The following CAMTA1 variants were observed in gnomAD, a reference collection of about 807,000 sequenced individuals.
CAMTA1 encodes calmodulin binding transcription activator 1, also known as calmodulin-binding transcription activator 1.
A neutral mutation model predicts 170.9 loss-of-function variants in CAMTA1; 27 were observed. The ratio of observed to expected loss-of-function variants is 0.16; its 90% CI spans 0.12 to 0.22. The LOEUF (loss-of-function observed/expected upper bound fraction) is 0.22, where lower values mean the gene tolerates loss of function less well. Ranked by LOEUF, CAMTA1 falls within the 10% of genes least tolerant of loss-of-function variation. The pLI, the probability that CAMTA1 is intolerant of heterozygous loss-of-function variation, is 1.00. For missense variants in CAMTA1, 1,619 were observed against 2,217.2 expected (o/e 0.73, Z 5.42); for synonymous variants, 833 against 891.5 (o/e 0.93, Z 1.17).
At chr1:7,190,642 A>G (rs1251145685) in intron 4 of CAMTA1, among the ~76,000 whole-genome samples, 1 of 152,202 alleles carries the variant, frequency 6.6e-6, no homozygotes, top group Non-Finnish European at 1.5e-5. Flanking sequence ...AACAAGAAGT[A>G]TATTACTTTT....
intron 5 of CAMTA1, among the ~76,000 whole-genome samples, chr1:7,369,644 A>G (rs974216946): frequency 2.0e-5 from 3 of 151,766 alleles, no homozygotes; most frequent in African/African-American, 4.8e-5. Flanking sequence ...CGGTGTCGCC[A>G]ACCAGGAAGC....
At chr1:7,343,814 T>A (rs10864296) in intron 5 of CAMTA1, among the ~76,000 whole-genome samples, 29,797 of 152,242 alleles carry the variant, frequency 0.2, 3,452 homozygotes, top group Middle Eastern at 0.43. Context: ...CTTCTGGGGT[T>A]GGCTTTTGAA....
At chr1:7,347,447 C>T (rs933413526) in intron 5 of CAMTA1, among the ~76,000 whole-genome samples, 2 of 152,230 alleles carry the variant, frequency 1.3e-5, no homozygotes, top group African/African-American at 4.8e-5. Flanking sequence ...AAGATGTTCT[C>T]TTTCACACCA....
At chr1:6,835,292 C>T (rs1377750579) in intron 3 of CAMTA1, among the ~76,000 whole-genome samples, 3 of 152,202 alleles carry the variant, frequency 2.0e-5, no homozygotes, top group Admixed American at 6.5e-5. Context: ...TTTCTAGTTG[C>T]ACTCGAGACT....
At chr1:6,867,701 G>T (rs1337199144) in intron 3 of CAMTA1, among the ~76,000 whole-genome samples, 1 of 152,198 alleles carries the variant, frequency 6.6e-6, no homozygotes, top group African/African-American at 2.4e-5. Context: ...CATAGCTCAA[G>T]TGCATTTTTT....
chr1:7,298,324 C>G (rs1339975205), intron 5 of CAMTA1, among the ~76,000 whole-genome samples: 1 of 8,288 alleles, frequency 1.2e-4, no homozygotes, highest in Non-Finnish European at 2.1e-4. Context: ...CATGATCCAC[C>G]CCCCACCCCG....
At chr1:7,200,501 G>A (rs938509388) in intron 4 of CAMTA1, among the ~76,000 whole-genome samples, 1 of 152,154 alleles carries the variant, frequency 6.6e-6, no homozygotes, top group South Asian at 2.1e-4. Flanking sequence ...ATCATGGGGC[G>A]CATTTAGTTC....
In CAMTA1 at chr1:6,907,117, G is replaced by C. The variant is rs137861264; in HGVS notation, c.234+81907G>C. ...TATATGTGATTTGTCTGTTCTAATT[G>C]CTTTTCAGTTTTGTTTGCTTTCTAA... is the stretch of plus-strand genomic sequence containing the variant. On this transcript the variant is annotated intron_variant, in intron 3 of 22. Coordinates refer to ENST00000303635, the MANE Select transcript of CAMTA1 (RefSeq NM_015215.4). Among the ~76,000 whole-genome samples the C allele has an allele frequency of 5.6e-4, 86 of 152,278 alleles. 1 individual carries two copies. The East Asian group carries it at 0.014, about 25-fold the overall frequency.
At chr1:7,023,589 G>A (rs1701651219) in intron 3 of CAMTA1, among the ~76,000 whole-genome samples, 1 of 151,906 alleles carries the variant, frequency 6.6e-6, no homozygotes. Flanking sequence ...GGAGATAATG[G>A]GATGAAACAA....
Position 7,626,548 on chromosome 1 carries a change from TGTG to T in CAMTA1, c.511-13848_511-13846del, listed in dbSNP as rs2095634881. Among the ~76,000 whole-genome samples, 6 of 152,308 alleles carry T rather than the reference TGTG, an allele frequency of 3.9e-5. 1 individual carries two copies. In the South Asian group the frequency reaches 1.2e-3, roughly 32 times the overall value. Reference sequence around the variant, plus strand: ...AAGCAGCCTTGTTCTGAATGCCACTTGTGGTGAACAGCAACCAGCTCTGCTTTT... The same window carrying T: ...AAGCAGCCTTGTTCTGAATGCCACTTGTGAACAGCAACCAGCTCTGCTTTT... On this transcript the variant is annotated intron_variant, in intron 6 of 22. Transcript: ENST00000303635.
At position 7,045,300 on chromosome 1, in the gene CAMTA1, A is replaced by G. The variant is rs562389684; in HGVS notation, c.235-46004A>G. On this transcript the variant is annotated intron_variant, in intron 3 of 22. Coordinates refer to ENST00000303635, the MANE Select transcript of CAMTA1 (RefSeq NM_015215.4). ...GACTTGGCCTCCAGGGATGAGACCA[A>G]CCTCTCCTGGAAGGGCATTGCTGTT... 3.9e-5 allele frequency among the ~76,000 whole-genome samples: 6 copies of G among 151,976 alleles called. No individual in the cohort carries two copies. The South Asian group carries it at 1.0e-3, about 26-fold the overall frequency.
chr1:7,647,644 C>T (rs1392603773), intron 7 of CAMTA1, among the ~76,000 whole-genome samples: 2 of 152,210 alleles, frequency 1.3e-5, no homozygotes, highest in African/African-American at 2.4e-5. Flanking sequence ...GGAGAGGTGC[C>T]TGTGCCCACC....
chr1:7,290,648 A>C (rs966280732), intron 5 of CAMTA1, among the ~76,000 whole-genome samples: 4 of 152,168 alleles, frequency 2.6e-5, no homozygotes, highest in African/African-American at 9.7e-5. Context: ...TCCGCATATA[A>C]ACTGACTGCT....
At chr1:7,354,453 A>G (rs1020504570) in intron 5 of CAMTA1, among the ~76,000 whole-genome samples, 4 of 152,168 alleles carry the variant, frequency 2.6e-5, no homozygotes, top group Admixed American at 2.6e-4. Context: ...CCGACCTACC[A>G]CATTTTCTTT....
chr1:7,291,888 G>T (rs757655321), intron 5 of CAMTA1, among the ~76,000 whole-genome samples: 2 of 152,228 alleles, frequency 1.3e-5, no homozygotes, highest in African/African-American at 2.4e-5. Context: ...AAAACCAGAT[G>T]CCAGCTTCCC....
chr1:7,436,081 G>A (rs1035285848), intron 5 of CAMTA1, among the ~76,000 whole-genome samples: 1 of 152,218 alleles, frequency 6.6e-6, no homozygotes, highest in Non-Finnish European at 1.5e-5. Context: ...TCAGCCTCAT[G>A]GCAGCTCGAG....
chr1:7,649,175 G>A (rs1463226150), intron 7 of CAMTA1, among the ~76,000 whole-genome samples: 8 of 152,232 alleles, frequency 5.3e-5, no homozygotes, highest in Non-Finnish European at 8.8e-5. Flanking sequence ...TGTTGGTGCC[G>A]GCACATGGTG....
intron 6 of CAMTA1, among the ~76,000 whole-genome samples, chr1:7,554,199 C>A (rs2094846163): frequency 6.6e-6 from 1 of 152,170 alleles, no homozygotes; most frequent in Non-Finnish European, 1.5e-5. Flanking sequence ...TGTTTTCCTG[C>A]CAGGTACCTC....
chr1:6,942,837 C>T (rs546118337), intron 3 of CAMTA1, among the ~76,000 whole-genome samples: 11 of 152,270 alleles, frequency 7.2e-5, no homozygotes, highest in African/African-American at 2.2e-4. Flanking sequence ...ATGGGCAGCA[C>T]GGCCAGACAC....
Sources: allele counts gnomAD v4.1 joint callset (sites outside exome capture counted in the v4.1 genomes callset), GRCh38; gene constraint gnomAD v4.1.1; transcripts MANE v1.5; gene names NCBI Gene and HGNC (gene_info 2026-07-23, HGNC 2026-07-21).